ECM1: variants seen among roughly 807,000 people sequenced by gnomAD.
ECM1 encodes the protein extracellular matrix protein 1, also known as secretory component p85.
ECM1 carries 54 observed loss-of-function variants against 57.9 expected under a neutral mutation model. The ratio of observed to expected loss-of-function variants is 0.93; its 90% confidence interval spans 0.75 to 1.17. ECM1 has a LOEUF of 1.17. Among genes scored for constraint, ECM1 ranks in the 50% most tolerant of loss-of-function variants. The pLI is 0.00. For missense variants in ECM1, 649 were observed against 688.1 expected (o/e 0.94, Z 0.64); for synonymous variants, 237 against 259.1 (o/e 0.91, Z 0.82).
Position 150,508,188 on chromosome 1 carries a change from T to TCCAGTGGTCAGTTGC in ECM1, c.-19_-5dup, listed in dbSNP as rs1479348196. Reference sequence around the variant, plus strand: ...GCCTGAGAGGACCCACCTCTGAGTGTCCAGTGGTCAGTTGCCCCAGGATGG... The same window carrying TCCAGTGGTCAGTTGC: ...GCCTGAGAGGACCCACCTCTGAGTGTCCAGTGGTCAGTTGCCCAGTGGTCAGTTGCCCCAGGATGG... On this transcript the variant is annotated 5_prime_UTR_variant, in exon 1 of 10. Coordinates refer to ENST00000369047, the MANE Select transcript of ECM1 (RefSeq NM_004425.4). 3.7e-6 allele frequency: 6 copies of TCCAGTGGTCAGTTGC among 1,612,916 alleles called. No homozygotes were observed. The highest frequency in any genetic ancestry group is 4.2e-6 in the Non-Finnish European group (5 of 1,178,980).
chr1:150,513,554 G>C lies in ECM1; in HGVS notation c.*87G>C. ...CACTCATTACACTAAACACCTCTTG[G>C]ATTTGGTGTCCTCATTGTCTATCTA... On this transcript the variant is annotated 3_prime_UTR_variant, in exon 10 of 10. Coordinates refer to ENST00000369047, the MANE Select transcript of ECM1 (RefSeq NM_004425.4). 8.0e-7 allele frequency: 1 copy of C among 1,246,176 alleles called. No individual in the cohort carries two copies. The highest frequency in any genetic ancestry group is 1.1e-6 in the Non-Finnish European group (1 of 890,988). The allele number at this position is 1,246,176 out of a possible 1,614,324, so 77.2% of individuals were successfully genotyped here.
rs745815096 is a variant in ECM1, at chr1:150,509,690, CT to C, written c.152del (p.Leu51HisfsTer127). On this transcript the variant is annotated frameshift_variant, in exon 3 of 10. Coordinates refer to ENST00000369047, the MANE Select transcript of ECM1 (RefSeq NM_004425.4). LOFTEE classifies it high-confidence loss of function. ...CTACGCAGCTCCCCCCTCCCCACCC[CT>C]ATCCCGAAGCCTCCCCATGGATCAC... ...VGYAAPPSPP[L>X]SRSLPMDHPD... 24 of 1,613,474 alleles carry C rather than the reference CT, an allele frequency of 1.5e-5. No homozygotes were observed. The highest frequency in any genetic ancestry group is 1.9e-5 in the Non-Finnish European group (23 of 1,179,528).
At chr1:150,510,508 G>A in intron 5 of ECM1, 1 of 552,386 alleles carries the variant, frequency 1.8e-6, no homozygotes, top group South Asian at 2.1e-5. Context: ...CTTCTACCCA[G>A]TAGACCCACC....
chr1:150,510,252 C>A, intron 5 of ECM1, 70 bp downstream of exon 5: 2 of 1,431,684 alleles, frequency 1.4e-6, no homozygotes, highest in South Asian at 1.1e-5. Context: ...GGCTTCGGGG[C>A]AGACAAGACG....
At position 150,512,813 on chromosome 1, in the gene ECM1, G is replaced by A; in HGVS notation, c.1392+1G>A. On this transcript the variant is annotated splice_donor_variant, in intron 9 of 9. Transcript: ENST00000369047. LOFTEE classifies it high-confidence loss of function. ...ACAGGCCTGCTGTGCAGAGGAGGAG[G>A]TGAGTGTGTGGAGTCTAGTCTCCAG... 6.2e-7 allele frequency: 1 copy of A among 1,614,172 alleles called. No individual in the cohort carries two copies. Among genetic ancestry groups the A allele is most frequent in the Non-Finnish European group, 8.5e-7 (1 of 1,180,006 alleles).
intron 5 of ECM1, 89 bp from the exon 6 acceptor site, chr1:150,510,787 C>T: frequency 1.5e-6 from 2 of 1,339,556 alleles, no homozygotes; most frequent in South Asian, 2.3e-5. Context: ...CTTTCTCCTC[C>T]ACCCCAGATT....
At chr1:150,510,828 G>A in intron 5 of ECM1, 48 bp from the exon 6 acceptor site, 1 of 1,594,842 alleles carries the variant, frequency 6.3e-7, no homozygotes, top group African/African-American at 1.3e-5. Flanking sequence ...TCCAGCCTTT[G>A]TGGGTTCCTT....
At chr1:150,509,620 G>A (rs1670378071) in intron 2 of ECM1, 39 bp downstream of exon 2, 3 of 1,613,908 alleles carry the variant, frequency 1.9e-6, no homozygotes, top group Non-Finnish European at 2.5e-6. Context: ...TGGGACTCCA[G>A]GAGGCACTGT....
In ECM1 at chr1:150,512,786, G is replaced by T; in HGVS notation, c.1366G>T (p.Glu456Ter). ...TARCCDLPFP[E>*]QACCAEEEKL... ...CCGCTGCTGTGACCTGCCATTTCCAGAACAGGCCTGCTGTGCAGAGGAGGA... is the reference window on the plus strand; with the variant it reads ...CCGCTGCTGTGACCTGCCATTTCCATAACAGGCCTGCTGTGCAGAGGAGGA... The change falls in exon 9 of 10, where the codon GAA becomes TAA. Residue 456 changes from glutamate (E) to a stop codon, truncating the protein, a stop_gained. Transcript: ENST00000369047. LOFTEE classifies it high-confidence loss of function. 6.2e-7 allele frequency: 1 copy of T among 1,614,142 alleles called. No homozygotes were observed. Among genetic ancestry groups the T allele is most frequent in the Non-Finnish European group, 8.5e-7 (1 of 1,180,034 alleles).
Position 150,511,682 on chromosome 1 carries a change from A to G in ECM1, c.934A>G (p.Ile312Val). Residue 312 changes from isoleucine (I) to valine (V), a missense_variant, in exon 7 of 10, where the codon ATC (isoleucine) becomes GTC (valine). Transcript: ENST00000369047. ...GVPTLDNIKN[I>V]CHLRRFRSVP... ...GCCCACATTGGACAATATCAAGAAC[A>G]TCTGCCACCTGAGGCGCTTCCGCTC... is the stretch of plus-strand genomic sequence containing the variant. 6.2e-7 allele frequency: 1 copy of G among 1,614,060 alleles called. No homozygotes were observed. The highest frequency in any genetic ancestry group is 8.5e-7 in the Non-Finnish European group (1 of 1,180,002).
rs769972802 is a variant in ECM1, at chr1:150,513,420, A to G, written c.1576A>G (p.Thr526Ala). The G allele has an allele frequency of 3.1e-6, 5 of 1,613,976 alleles. No individual in the cohort carries two copies. The African/African-American group carries it at 6.7e-5, about 22-fold the overall frequency. The part of the protein sequence containing the change: ...NAKGQGEQGS[T>A]GGTNISSTSE... ...CAAGGGCCAGGGGGAGCAGGGCTCA[A>G]CTGGAGGAACAAATATCAGCTCCAC... The change falls in exon 10 of 10, where the codon ACT becomes GCT. Residue 526 changes from threonine (T) to alanine (A), a missense_variant. Transcript: ENST00000369047.
chr1:150,510,807 C>G, intron 5 of ECM1, 69 bp from the exon 6 acceptor site: 1 of 1,525,932 alleles, frequency 6.6e-7, no homozygotes, highest in Non-Finnish European at 9.1e-7. Context: ...TCTTTCAATC[C>G]TCCCAGCTCA....
Position 150,509,705 on chromosome 1 carries a change from C to A in ECM1, c.166C>A (p.Pro56Thr), listed in dbSNP as rs747453858. Residue 56 changes from proline (P) to threonine (T), a missense_variant, in exon 3 of 10, where the codon CCC (proline) becomes ACC (threonine). Coordinates refer to ENST00000369047, the MANE Select transcript of ECM1 (RefSeq NM_004425.4). ...PPSPPLSRSL[P>T]MDHPDSSQHG... ...CTCCCCACCCCTATCCCGAAGCCTC[C>A]CCATGGATCACCCTGACTCCTCTCA... The A allele has an allele frequency of 6.2e-7, 1 of 1,613,922 alleles. No homozygotes were observed. The highest frequency in any genetic ancestry group is 1.1e-5 in the South Asian group (1 of 91,072).
chr1:150,513,259 T>A lies in ECM1; in HGVS notation c.1415T>A (p.Leu472Gln), dbSNP rs779010078. 6.2e-7 allele frequency: 1 copy of A among 1,614,232 alleles called. No homozygotes were observed. The highest frequency in any genetic ancestry group is 8.5e-7 in the Non-Finnish European group (1 of 1,180,026). Residue 472 changes from leucine to glutamine, a missense_variant, in exon 10 of 10, where the codon CTG becomes CAG. Coordinates refer to ENST00000369047, the MANE Select transcript of ECM1 (RefSeq NM_004425.4). ...EEEKLTFIND[L>Q]CGPRRNIWRD... is the part of the protein sequence containing the mutation. ...CAGAAATTAACCTTCATCAATGATC[T>A]GTGTGGTCCCCGACGTAACATCTGG...
chr1:150,510,789 C>T (rs766181903), intron 5 of ECM1, 87 bp from the exon 6 acceptor site: 5 of 1,368,264 alleles, frequency 3.7e-6, no homozygotes, highest in South Asian at 2.3e-5. Flanking sequence ...TTCTCCTCCA[C>T]CCCAGATTCT....
chr1:150,510,762 T>G (rs1388487491), intron 5 of ECM1, 114 bp from the exon 6 acceptor site: 1 of 1,080,176 alleles, frequency 9.3e-7, no homozygotes, highest in African/African-American at 1.5e-5. Context: ...TCATTTCCAC[T>G]ATATCCTCCC....
Position 150,510,292 on chromosome 1 carries a change from C to A in ECM1, c.385+110C>A, listed in dbSNP as rs1034308872. On this transcript the variant is annotated intron_variant, in intron 5 of 9. Transcript: ENST00000369047. ...GCTCTGCCACTCACCAGTTGTATAA[C>A]CTTGGGTAAGTTACATACTTCTCCA... 5.8e-6 allele frequency: 6 copies of A among 1,035,122 alleles called. No homozygotes were observed. In the African/African-American group the frequency reaches 6.3e-5, roughly 11 times the overall value. The allele number at this position is 1,035,122 out of a possible 1,614,324, so 64.1% of individuals were successfully genotyped here.
At chr1:150,509,485 G>C (rs201856379) in intron 1 of ECM1, 46 bp from the exon 2 acceptor site, 1 of 1,611,236 alleles carries the variant, frequency 6.2e-7, no homozygotes, top group East Asian at 2.2e-5. Flanking sequence ...CTGAAGTCCA[G>C]GGAAGGCCCT....
chr1:150,512,882 AC>A (rs1380951093), intron 9 of ECM1, 70 bp downstream of exon 9: 2 of 1,516,286 alleles, frequency 1.3e-6, no homozygotes, highest in Non-Finnish European at 1.8e-6. Flanking sequence ...ACTGCAGGCC[AC>A]CCCTTCTCTT....
Sources: gnomAD v4.1 joint callset for allele counts on GRCh38, gnomAD v4.1.1 for gene constraint, MANE v1.5 for transcripts, NCBI Gene and HGNC (gene_info 2026-07-23, HGNC 2026-07-21) for gene names.